Variants in IGSF10 observed in about 807,000 individuals in gnomAD.
IGSF10 encodes calvaria mechanical force protein 608.
A neutral mutation model predicts 128.2 loss-of-function variants in IGSF10; 126 were observed. The ratio of observed to expected loss-of-function variants is 0.98; its 90% confidence interval spans 0.85 to 1.14. The LOEUF is 1.14. IGSF10 is among the 50% of genes most tolerant of loss of function. The pLI is 0.00. For missense variants in IGSF10, 3,295 were observed against 3,149.8 expected (o/e 1.05, Z -1.10); for synonymous variants, 1,185 against 1,146.2 (o/e 1.03, Z -0.68).
the IGSF10 span, among the ~76,000 whole-genome samples, chr3:151,596,119 A>G: frequency 6.6e-6 from 1 of 152,178 alleles, no homozygotes; most frequent in African/African-American, 2.4e-5. Flanking sequence ...AAAAAGCCAA[A>G]TGTGGTCATA....
At chr3:151,585,713 T>A in the IGSF10 span, among the ~76,000 whole-genome samples, 1 of 152,118 alleles carries the variant, frequency 6.6e-6, no homozygotes, top group African/African-American at 2.4e-5. Flanking sequence ...GCTTCACTTA[T>A]TTTTTTCTAA....
chr3:151,515,727 G>A, the IGSF10 span, among the ~76,000 whole-genome samples: 1 of 4,822 alleles, frequency 2.1e-4, no homozygotes, highest in African/African-American at 8.2e-4. Context: ...TATTACGTGT[G>A]TGTGTGTGTG....
At chr3:151,522,807 G>C in the IGSF10 span, among the ~76,000 whole-genome samples, 2 of 152,034 alleles carry the variant, frequency 1.3e-5, no homozygotes, top group Non-Finnish European at 2.9e-5. Context: ...TACCACTGCT[G>C]TTCAACATAG....
the IGSF10 span, among the ~76,000 whole-genome samples, chr3:151,586,528 T>C: frequency 6.6e-6 from 1 of 152,260 alleles, no homozygotes; most frequent in Non-Finnish European, 1.5e-5. Context: ...ATATGAAGCA[T>C]GTAATTAGAT....
chr3:151,434,638 A>G (rs995065993), downstream of IGSF10: 8 of 152,264 alleles, frequency 5.3e-5, no homozygotes, highest in Non-Finnish European at 1.2e-4. Context: ...ATATATCTAT[A>G]TAATGACTGC....
the IGSF10 span, among the ~76,000 whole-genome samples, chr3:151,501,304 T>C: frequency 6.6e-6 from 1 of 152,104 alleles, no homozygotes; most frequent in African/African-American, 2.4e-5. Context: ...ATTCAAGAGC[T>C]GGAACAAGTT....
In IGSF10 at chr3:151,447,388, T is replaced by C. The variant is rs770711937; in HGVS notation, c.2593A>G (p.Ile865Val). ...EPTDFKLSTA[I>V]KTTAMSKNIN... ...TTCTTTGACATGGCTGTAGTTTTAA[T>C]AGCAGTAGACAGTTTGAAATCTGTG... is the stretch of plus-strand genomic sequence containing the variant. The change falls in exon 6 of 8, where the codon ATT (isoleucine) becomes GTT (valine). Residue 865 changes from isoleucine to valine, a missense_variant. Transcript: ENST00000282466. 2.7e-5 allele frequency: 44 copies of C among 1,614,038 alleles called. No individual in the cohort carries two copies. In the Middle Eastern group the frequency reaches 8.2e-4, roughly 30 times the overall value.
the IGSF10 span, among the ~76,000 whole-genome samples, chr3:151,497,480 A>G: frequency 6.6e-6 from 1 of 152,242 alleles, no homozygotes; most frequent in South Asian, 2.1e-4. Flanking sequence ...CAGATCAGAT[A>G]GTTGTAGATA....
the IGSF10 span, among the ~76,000 whole-genome samples, chr3:151,511,690 G>C: frequency 6.6e-6 from 1 of 152,114 alleles, no homozygotes; most frequent in African/African-American, 2.4e-5. Context: ...AAAGAGTCAA[G>C]ACCCATCAGT....
the IGSF10 span, among the ~76,000 whole-genome samples, chr3:151,512,957 T>C: frequency 2.7e-4 from 41 of 152,240 alleles, 1 homozygote; most frequent in South Asian, 1.0e-3. Flanking sequence ...GGCTCTGAAA[T>C]TGAGGCAATA....
intron 7 of IGSF10, among the ~76,000 whole-genome samples, chr3:151,441,297 G>A (rs1720835123): frequency 6.6e-6 from 1 of 152,216 alleles, no homozygotes; most frequent in South Asian, 2.1e-4. Flanking sequence ...GTTTCCCAGA[G>A]TGGAAGACAG....
At chr3:151,538,597 A>G in the IGSF10 span, among the ~76,000 whole-genome samples, 1 of 152,210 alleles carries the variant, frequency 6.6e-6, no homozygotes, top group African/African-American at 2.4e-5. Context: ...AACAAACACA[A>G]TCACCAAGAC....
In IGSF10 at chr3:151,458,521, A is replaced by C. The variant is rs140558815; in HGVS notation, c.189T>G (p.Asn63Lys). ...AAACATGAGGTCTCACACACCCTAA[A>C]TTGATGCGTTCCACATTGGGCGGGA... ...DSIPPNVERI[N>K]LGYNSLVRLM... The change falls in exon 3 of 8, where the codon AAT becomes AAG. Residue 63 changes from asparagine (N) to lysine (K), a missense_variant. Asn to Lys is a moderately conservative substitution (Grantham distance 94, BLOSUM62 0). Coordinates refer to ENST00000282466, the MANE Select transcript of IGSF10 (RefSeq NM_178822.5). 2 of 1,612,492 alleles carry C rather than the reference A, an allele frequency of 1.2e-6. No individual in the cohort carries two copies. Among genetic ancestry groups the C allele is most frequent in the South Asian group, 1.1e-5 (1 of 90,842 alleles).
chr3:151,504,823 A>G, the IGSF10 span, among the ~76,000 whole-genome samples: 1 of 152,232 alleles, frequency 6.6e-6, no homozygotes, highest in Non-Finnish European at 1.5e-5. Context: ...TAATCAATGC[A>G]GCTGTTTCTG....
At chr3:151,613,104 A>G in the IGSF10 span, among the ~76,000 whole-genome samples, 1 of 152,190 alleles carries the variant, frequency 6.6e-6, no homozygotes, top group Admixed American at 6.5e-5. Context: ...CTTCAAAGAG[A>G]ATAAAATACC....
the IGSF10 span, among the ~76,000 whole-genome samples, chr3:151,617,321 C>CTT: frequency 3.5e-3 from 125 of 35,974 alleles, 1 homozygote; most frequent in Non-Finnish European, 3.9e-3. Context: ...TTCTTCTTCC[C>CTT]CTCCTCCTCC....
At chr3:151,611,922 C>A in the IGSF10 span, among the ~76,000 whole-genome samples, 2 of 152,122 alleles carry the variant, frequency 1.3e-5, no homozygotes, top group South Asian at 4.1e-4. Context: ...CTAGGTTGAG[C>A]CACTGACTCA....
chr3:151,437,870 C>G lies in IGSF10; in HGVS notation c.6691G>C (p.Val2231Leu). 1 of 1,613,996 alleles carries G rather than the reference C, an allele frequency of 6.2e-7. No homozygotes were observed. Reference sequence around the variant, plus strand: ...CCATTGATTAATGGAGGTTTAGAGACCACATCCAGTTTGTACATTTTGGTG... The same window carrying G: ...CCATTGATTAATGGAGGTTTAGAGAGCACATCCAGTTTGTACATTTTGGTG... ...DDTKMYKLDV[V>L]SKPPLINGLY... The change falls in exon 8 of 8, where the codon GTC (valine) becomes CTC (leucine). Residue 2231 changes from valine (V) to leucine (L), a missense_variant. By Grantham distance (32) the Val-to-Leu change is conservative (BLOSUM62 1). Transcript: ENST00000282466.
At chr3:151,610,929 T>C in the IGSF10 span, among the ~76,000 whole-genome samples, 2 of 152,154 alleles carry the variant, frequency 1.3e-5, no homozygotes, top group African/African-American at 4.8e-5. Flanking sequence ...CTTAATACCA[T>C]CACAAGGACA....
Sources: gnomAD v4.1 joint callset for allele counts (sites outside exome capture counted in the v4.1 genomes callset) on GRCh38, gnomAD v4.1.1 for gene constraint, MANE v1.5 for transcripts, NCBI Gene and HGNC (gene_info 2026-07-23, HGNC 2026-07-21) for gene names.